The following PLCL1 variants were observed in gnomAD, a reference collection of about 807,000 sequenced individuals.
PLCL1 encodes inactive phospholipase C-like protein 1.
Under a neutral mutation model 84.4 loss-of-function variants are expected in PLCL1, and 41 were observed. That is an observed-to-expected ratio of 0.49 (90% CI 0.38 to 0.63). PLCL1 has a LOEUF of 0.63. Among genes scored for constraint, PLCL1 ranks in the 30% least tolerant of loss-of-function variants. The pLI is 0.00. For missense variants in PLCL1, 1,206 were observed against 1,367.8 expected (o/e 0.88, Z 1.87); for synonymous variants, 490 against 488.3 (o/e 1.00, Z -0.05).
intron 1 of PLCL1, among the ~76,000 whole-genome samples, chr2:197,853,031 T>A (rs1336265515): frequency 6.6e-6 from 1 of 152,176 alleles, no homozygotes. Context: ...TTTTCTCCTT[T>A]CTCCACTCCC....
chr2:198,014,908 AT>A (rs1360513816), intron 1 of PLCL1, among the ~76,000 whole-genome samples: 1 of 151,984 alleles, frequency 6.6e-6, no homozygotes, highest in Non-Finnish European at 1.5e-5. Context: ...TATTACAGGA[AT>A]TTTTCCCCCC....
intron 2 of PLCL1, 101 bp from the exon 3 acceptor site, chr2:198,088,757 A>G: frequency 3.8e-6 from 3 of 787,990 alleles, no homozygotes; most frequent in East Asian, 4.9e-5. Flanking sequence ...TTAGCCCTCT[A>G]TTATCTTTTA....
chr2:198,064,687 C>T (rs975554049), intron 1 of PLCL1, among the ~76,000 whole-genome samples: 1 of 151,930 alleles, frequency 6.6e-6, no homozygotes, highest in African/African-American at 2.4e-5. Flanking sequence ...GTTTCCAGGG[C>T]CAAAAGGAGA....
At chr2:197,955,461 G>A (rs887869310) in intron 1 of PLCL1, among the ~76,000 whole-genome samples, 3 of 148,996 alleles carry the variant, frequency 2.0e-5, no homozygotes, top group African/African-American at 7.4e-5. Flanking sequence ...GGATACATGT[G>A]CAGAACATGC....
intron 1 of PLCL1, among the ~76,000 whole-genome samples, chr2:197,997,238 C>T (rs991093056): frequency 1.3e-5 from 2 of 152,198 alleles, no homozygotes; most frequent in African/African-American, 2.4e-5. Flanking sequence ...CTTAATGGGG[C>T]GGGGGCGTGA....
intron 1 of PLCL1, 22 bp from the exon 2 acceptor site, chr2:198,083,736 T>C (rs776348655): frequency 1.5e-5 from 23 of 1,509,004 alleles, no homozygotes; most frequent in Non-Finnish European, 2.0e-5. Context: ...AATTGATTCA[T>C]TTTTTTCAAA....
chr2:197,815,784 G>A lies in PLCL1; in HGVS notation c.240+10445G>A, dbSNP rs1405580968. ...TTCGGTGGGGGAAGTCACTGTAGACGGGGTGGAAATAGCAAGAGAACTAGA... is the reference window on the plus strand; with the variant it reads ...TTCGGTGGGGGAAGTCACTGTAGACAGGGTGGAAATAGCAAGAGAACTAGA... On this transcript the variant is annotated intron_variant, in intron 1 of 5. Transcript: ENST00000428675. 4.6e-5 allele frequency among the ~76,000 whole-genome samples: 7 copies of A among 152,076 alleles called. No homozygotes were observed. The East Asian group carries it at 5.8e-4, about 13-fold the overall frequency.
At chr2:197,847,608 G>A (rs700683) in intron 1 of PLCL1, among the ~76,000 whole-genome samples, 110,739 of 152,126 alleles carry the variant, frequency 0.73, 41,385 homozygotes, top group African/African-American at 0.9. Context: ...ATTTTTATGT[G>A]GACATGTACT....
At chr2:197,859,562 C>T (rs1260690355) in intron 1 of PLCL1, among the ~76,000 whole-genome samples, 1 of 152,012 alleles carries the variant, frequency 6.6e-6, no homozygotes. Flanking sequence ...CAACTATGGA[C>T]CACACATACA....
At chr2:198,053,665 G>A (rs1405801331) in intron 1 of PLCL1, among the ~76,000 whole-genome samples, 1 of 152,188 alleles carries the variant, frequency 6.6e-6, no homozygotes, top group Non-Finnish European at 1.5e-5. Context: ...GTCCATTTCG[G>A]TAATCTAGCT....
chr2:197,895,963 T>C (rs1264214441), intron 1 of PLCL1, among the ~76,000 whole-genome samples: 1 of 151,956 alleles, frequency 6.6e-6, no homozygotes, highest in African/African-American at 2.4e-5. Context: ...GTAATTGCTG[T>C]CCTCATTCAA....
intron 1 of PLCL1, among the ~76,000 whole-genome samples, chr2:198,063,621 T>C (rs577360436): frequency 3.9e-5 from 6 of 152,284 alleles, no homozygotes; most frequent in Admixed American, 6.5e-5. Context: ...GTGAGAGCTG[T>C]TTTTCATGTC....
chr2:197,818,157 C>T (rs1362115993), intron 1 of PLCL1, among the ~76,000 whole-genome samples: 2 of 152,110 alleles, frequency 1.3e-5, no homozygotes, highest in Admixed American at 1.3e-4. Flanking sequence ...ATAGATTTAC[C>T]AATAGGGAGA....
chr2:198,120,828 A>G (rs907455809), intron 5 of PLCL1, among the ~76,000 whole-genome samples: 2 of 152,100 alleles, frequency 1.3e-5, no homozygotes, highest in Non-Finnish European at 2.9e-5. Context: ...TTTTGAATAT[A>G]TACCCAGAAG....
In PLCL1 at chr2:198,055,294, C is replaced by CCT. The variant is rs772260935; in HGVS notation, c.241-28429_241-28428dup. The stretch of plus-strand genomic sequence containing the variant: ...AAACCTCAAGGACTGCTGGTCAAAG[C>CCT]CTCTCTCTCTCTCTCTCTCTCTCTC... On this transcript the variant is annotated intron_variant, in intron 1 of 5. Coordinates refer to ENST00000428675, the MANE Select transcript of PLCL1 (RefSeq NM_006226.4). 7.2e-3 allele frequency among the ~76,000 whole-genome samples: 869 copies of CCT among 120,278 alleles called. 5 individuals carry two copies. Among genetic ancestry groups the CCT allele is most frequent in the African/African-American group, 0.019 (547 of 29,430 alleles). 78.9% of individuals were successfully genotyped at this position (120,278 alleles called of 152,430 possible). A position where few individuals can be genotyped will look rare whatever the true frequency, so the allele number is the denominator to read the frequency against.
intron 3 of PLCL1, among the ~76,000 whole-genome samples, chr2:198,096,875 AG>A (rs1243678633): frequency 1.3e-5 from 2 of 152,204 alleles, no homozygotes; most frequent in Non-Finnish European, 1.5e-5. Flanking sequence ...CAGTTAAGCC[AG>A]GCATAATGGT....
At chr2:197,881,862 C>T (rs1452065920) in intron 1 of PLCL1, among the ~76,000 whole-genome samples, 1 of 152,080 alleles carries the variant, frequency 6.6e-6, no homozygotes, top group Admixed American at 6.6e-5. Context: ...CCAATTCTGC[C>T]CCATTCTGCC....
At chr2:198,055,202 T>C (rs1692032375) in intron 1 of PLCL1, among the ~76,000 whole-genome samples, 1 of 151,870 alleles carries the variant, frequency 6.6e-6, no homozygotes, top group Non-Finnish European at 1.5e-5. Flanking sequence ...TTTCCTGTTT[T>C]GTAGGAACTT....
At chr2:197,821,426 T>C (rs1690813122) in intron 1 of PLCL1, among the ~76,000 whole-genome samples, 1 of 152,282 alleles carries the variant, frequency 6.6e-6, no homozygotes, top group Admixed American at 6.5e-5. Flanking sequence ...TCAAACAAGA[T>C]AGTTTATTTC....
Sources: allele counts gnomAD v4.1 joint callset (sites outside exome capture counted in the v4.1 genomes callset), GRCh38; gene constraint gnomAD v4.1.1; transcripts MANE v1.5; gene names NCBI Gene and HGNC (gene_info 2026-07-23, HGNC 2026-07-21).